The following ARHGAP22 variants were observed in gnomAD, a reference collection of about 807,000 sequenced individuals.
ARHGAP22 encodes the protein rho GTPase-activating protein 22.
In ARHGAP22, 48 loss-of-function variants were observed where a neutral mutation model predicts 59.1. That is an observed-to-expected ratio of 0.81 (90% CI 0.64 to 1.03). The LOEUF is 1.03. ARHGAP22 is among the 50% of genes least tolerant of loss of function. ARHGAP22 has a pLI of 0.00. For missense variants in ARHGAP22, 1,015 were observed against 958.7 expected (o/e 1.06, Z -0.78); for synonymous variants, 445 against 416.4 (o/e 1.07, Z -0.84).
At chr10:48,458,500 G>A (rs916454098) in intron 5 of ARHGAP22, among the ~76,000 whole-genome samples, 1 of 152,140 alleles carries the variant, frequency 6.6e-6, no homozygotes, top group Non-Finnish European at 1.5e-5. Context: ...CAGACGGCCT[G>A]TGCCACTCCA....
Position 48,569,652 on chromosome 10 carries a change from C to G in ARHGAP22, c.234+13301G>C, listed in dbSNP as rs192735814. 1.2e-4 allele frequency among the ~76,000 whole-genome samples: 19 copies of G among 152,318 alleles called. No individual in the cohort carries two copies. The East Asian group carries it at 3.5e-3, about 28-fold the overall frequency. Reference sequence around the variant, plus strand: ...GGATTGCTCTATTATAAGTGTGAGACCTTTAAGTGCTGTAAACTAATATCC... The same window carrying G: ...GGATTGCTCTATTATAAGTGTGAGAGCTTTAAGTGCTGTAAACTAATATCC... On this transcript the variant is annotated intron_variant, in intron 2 of 9. Transcript: ENST00000249601.
chr10:48,504,994 G>C (rs2051940875), intron 3 of ARHGAP22, among the ~76,000 whole-genome samples: 1 of 152,146 alleles, frequency 6.6e-6, no homozygotes, highest in Admixed American at 6.5e-5. Flanking sequence ...GCAATGGGGA[G>C]AGGGGGTGCC....
rs574872119 is a variant in ARHGAP22 at position 48,484,638 on chromosome 10, C to T, written c.323-4874G>A. Among the ~76,000 whole-genome samples, 32 of 152,320 alleles carry T rather than the reference C, an allele frequency of 2.1e-4. No individual in the cohort carries two copies. The South Asian group carries it at 6.4e-3, about 31-fold the overall frequency. On this transcript the variant is annotated intron_variant, in intron 3 of 9. Coordinates refer to ENST00000249601, the MANE Select transcript of ARHGAP22 (RefSeq NM_021226.4). Reference sequence around the variant, plus strand: ...TACTTTGTGGAAATGTTTGTAATAACAAATACAATTTCTTTAATATATACA... The same window carrying T: ...TACTTTGTGGAAATGTTTGTAATAATAAATACAATTTCTTTAATATATACA...
intron 2 of ARHGAP22, among the ~76,000 whole-genome samples, chr10:48,567,436 G>C (rs1238955349): frequency 6.6e-6 from 1 of 152,242 alleles, no homozygotes; most frequent in Non-Finnish European, 1.5e-5. Context: ...AGTGCCACAG[G>C]GAAGCAGCAG....
chr10:48,584,787 G>A (rs1345622342), intron 1 of ARHGAP22, among the ~76,000 whole-genome samples: 6 of 152,224 alleles, frequency 3.9e-5, no homozygotes, highest in Non-Finnish European at 7.3e-5. Context: ...GAGGTCAGGA[G>A]ATTGAGACCG....
At chr10:48,615,984 G>A (rs1003242053) in intron 1 of ARHGAP22, among the ~76,000 whole-genome samples, 5 of 151,460 alleles carry the variant, frequency 3.3e-5, no homozygotes, top group Admixed American at 1.3e-4. Context: ...AAGAAGATGA[G>A]CAAAGCCTAA....
intron 4 of ARHGAP22, among the ~76,000 whole-genome samples, chr10:48,467,141 C>T (rs1290448197): frequency 6.6e-6 from 1 of 152,248 alleles, no homozygotes; most frequent in East Asian, 1.9e-4. Context: ...TTGGTTTGGA[C>T]TTGACATACA....
rs1475483877 is a variant in ARHGAP22, at chr10:48,450,721, C to T, written c.1408G>A (p.Gly470Arg). Residue 470 changes from glycine (G) to arginine (R), a missense_variant, in exon 9 of 10, where the codon GGA becomes AGA. Gly to Arg is a moderately radical substitution (Grantham distance 125). Transcript: ENST00000249601. ...TCTCCCGACGAGGCCCGGCGGTGTC[C>T]GCGCAGGGAGGACAGCCCGTTCATA... ...WLMNGLSSLR[G>R]HRRASSGDRL... 2.6e-6 allele frequency: 4 copies of T among 1,555,058 alleles called. No individual in the cohort carries two copies. The highest frequency in any genetic ancestry group is 4.8e-5 in the East Asian group (2 of 41,418).
intron 1 of ARHGAP22, among the ~76,000 whole-genome samples, chr10:48,598,980 C>T (rs150835803): frequency 6.6e-6 from 1 of 152,290 alleles, no homozygotes; most frequent in Non-Finnish European, 1.5e-5. Flanking sequence ...TCCTGGCTGG[C>T]AAGTTCTTTA....
At chr10:48,452,385 T>G (rs2046061328) in intron 8 of ARHGAP22, among the ~76,000 whole-genome samples, 1 of 152,194 alleles carries the variant, frequency 6.6e-6, no homozygotes, top group Admixed American at 6.5e-5. Flanking sequence ...AAGCAGGAAC[T>G]CCATGAAGCA....
At chr10:48,448,124 T>A (rs905824442) in intron 9 of ARHGAP22, among the ~76,000 whole-genome samples, 1 of 152,124 alleles carries the variant, frequency 6.6e-6, no homozygotes, top group African/African-American at 2.4e-5. Context: ...CTCATCTCAC[T>A]CCACGAAAAA....
intron 3 of ARHGAP22, among the ~76,000 whole-genome samples, chr10:48,538,066 A>G (rs1028311493): frequency 3.9e-5 from 6 of 152,296 alleles, no homozygotes; most frequent in Middle Eastern, 3.4e-3. Context: ...GTGGCTTAAA[A>G]CAACAGAAAC....
At chr10:48,431,107 A>G in the ARHGAP22 span, 1 of 785,574 alleles carries the variant, frequency 1.3e-6, no homozygotes, top group South Asian at 1.5e-5. Context: ...CTTCACATGT[A>G]TAAAAATTTC....
At chr10:48,557,607 T>G (rs748843043) in intron 2 of ARHGAP22, among the ~76,000 whole-genome samples, 6 of 152,176 alleles carry the variant, frequency 3.9e-5, no homozygotes, top group Non-Finnish European at 8.8e-5. Context: ...TGCCCAATGC[T>G]GGAGCCCCAG....
intron 1 of ARHGAP22, among the ~76,000 whole-genome samples, chr10:48,635,698 C>T (rs1038544613): frequency 2.0e-5 from 3 of 152,214 alleles, no homozygotes; most frequent in Admixed American, 6.5e-5. Context: ...TTCATTATGC[C>T]CCTCACACTG....
At chr10:48,540,765 G>A (rs2055856513) in intron 3 of ARHGAP22, among the ~76,000 whole-genome samples, 1 of 151,992 alleles carries the variant, frequency 6.6e-6, no homozygotes, top group Non-Finnish European at 1.5e-5. Flanking sequence ...ATGACTTTTA[G>A]CATTCTTTCT....
chr10:48,489,835 G>A (rs998504913), intron 3 of ARHGAP22, among the ~76,000 whole-genome samples: 49 of 149,216 alleles, frequency 3.3e-4, no homozygotes, highest in African/African-American at 1.1e-3. Flanking sequence ...CTAGGTTCAC[G>A]CCATTCTCCT....
At chr10:48,573,809 A>G (rs1050769971) in intron 2 of ARHGAP22, among the ~76,000 whole-genome samples, 1 of 152,236 alleles carries the variant, frequency 6.6e-6, no homozygotes, top group Non-Finnish European at 1.5e-5. Context: ...TGATCTTCCC[A>G]AATCTATAGC....
chr10:48,582,981 T>C lies in ARHGAP22; in HGVS notation c.206A>G (p.Tyr69Cys), dbSNP rs1285362249. ...GGGCTTGATCTCATCTTTGTCCTTG[T>C]AGTAGAAAAGCTGATCCCCACGCAG... Reference protein sequence around the residue: ...FVLRGDQLFYYKDKDEIKPQG... With the variant: ...FVLRGDQLFYCKDKDEIKPQG... Residue 69 changes from tyrosine (Y) to cysteine (C), a missense_variant, in exon 2 of 10, where the codon TAC becomes TGC. By Grantham distance (194) the Tyr-to-Cys change is radical. Coordinates refer to ENST00000249601, the MANE Select transcript of ARHGAP22 (RefSeq NM_021226.4). 4 of 1,614,124 alleles carry C rather than the reference T, an allele frequency of 2.5e-6. No individual in the cohort carries two copies. Among genetic ancestry groups the C allele is most frequent in the Non-Finnish European group, 3.4e-6 (4 of 1,180,048 alleles).
Sources: gnomAD v4.1 joint callset for allele counts (sites outside exome capture counted in the v4.1 genomes callset) on GRCh38, gnomAD v4.1.1 for gene constraint, MANE v1.5 for transcripts, NCBI Gene and HGNC (gene_info 2026-07-23, HGNC 2026-07-21) for gene names.